Variants in GLRA3 observed in about 807,000 individuals in gnomAD.
GLRA3 encodes the protein glycine receptor subunit alpha-3.
In GLRA3, 44 loss-of-function variants were observed where a neutral mutation model predicts 60.4. The ratio of observed to expected loss-of-function variants is 0.73; its 90% CI spans 0.57 to 0.94. The LOEUF is 0.94. Among genes scored for constraint, GLRA3 ranks in the 40% least tolerant of loss-of-function variants. The pLI is 0.00. For missense variants in GLRA3, 508 were observed against 564.6 expected, an observed-to-expected ratio of 0.90 and a Z score of 1.02; for synonymous variants, 223 against 192.9, an observed-to-expected ratio of 1.16 and a Z score of -1.29.
intron 3 of GLRA3, among the ~76,000 whole-genome samples, chr4:174,744,686 G>C (rs1467714637): frequency 6.6e-6 from 1 of 152,124 alleles, no homozygotes; most frequent in East Asian, 1.9e-4. Flanking sequence ...AGAATTGTAA[G>C]AAATGACTAT....
intron 9 of GLRA3, among the ~76,000 whole-genome samples, chr4:174,647,279 G>T (rs1732858277): frequency 6.6e-6 from 1 of 151,926 alleles, no homozygotes; most frequent in Non-Finnish European, 1.5e-5. Context: ...GTGGTGGTGG[G>T]CGCCTGTGGG....
chr4:174,672,436 T>C (rs998377519), intron 7 of GLRA3, among the ~76,000 whole-genome samples: 3 of 152,188 alleles, frequency 2.0e-5, no homozygotes, highest in Non-Finnish European at 4.4e-5. Context: ...TTCCACCCTA[T>C]TGACTTTCGG....
intron 3 of GLRA3, among the ~76,000 whole-genome samples, chr4:174,746,455 C>T (rs7656007): frequency 0.16 from 24,057 of 151,992 alleles, 2,489 homozygotes; most frequent in African/African-American, 0.3. Flanking sequence ...CATCACTTCA[C>T]GGACATAGAG....
intron 1 of GLRA3, among the ~76,000 whole-genome samples, chr4:174,816,574 T>C (rs1740508205): frequency 6.6e-6 from 1 of 152,156 alleles, no homozygotes; most frequent in Non-Finnish European, 1.5e-5. Flanking sequence ...AGAATAAATA[T>C]GATTATCTTA....
intron 3 of GLRA3, among the ~76,000 whole-genome samples, chr4:174,753,468 T>C (rs1336216418): frequency 6.6e-6 from 1 of 152,198 alleles, no homozygotes; most frequent in Non-Finnish European, 1.5e-5. Context: ...CCAGTCATCT[T>C]AGAGAACACA....
intron 1 of GLRA3, 25 bp downstream of exon 1, chr4:174,828,716 G>C (rs752428196): frequency 1.9e-5 from 29 of 1,488,772 alleles, no homozygotes; most frequent in Middle Eastern, 3.4e-4. Flanking sequence ...TGAGTTCTCC[G>C]ACTGTTAAAT....
At chr4:174,678,965 A>C (rs974055754) in intron 6 of GLRA3, among the ~76,000 whole-genome samples, 1 of 152,322 alleles carries the variant, frequency 6.6e-6, no homozygotes, top group Middle Eastern at 3.4e-3. Flanking sequence ...ATTTCAGGTG[A>C]TTCTCAAGGA....
chr4:174,675,951 G>C (rs1302617866), intron 7 of GLRA3, among the ~76,000 whole-genome samples: 1 of 152,064 alleles, frequency 6.6e-6, no homozygotes, highest in Non-Finnish European at 1.5e-5. Flanking sequence ...ACTTGGTGTA[G>C]CAAGAAGATA....
At chr4:174,807,563 TA>T (rs1560810884) in intron 1 of GLRA3, among the ~76,000 whole-genome samples, 1 of 152,100 alleles carries the variant, frequency 6.6e-6, no homozygotes. Context: ...CAAAGGAGGT[TA>T]AGCTTAAATA....
intron 8 of GLRA3, 117 bp from the exon 9 acceptor site, chr4:174,656,904 G>T (rs1733227892): frequency 1.7e-6 from 1 of 592,234 alleles, no homozygotes; most frequent in East Asian, 2.8e-5. Context: ...ACAGACATAT[G>T]TAGCAATTAA....
At chr4:174,801,937 T>C (rs1739828860) in intron 1 of GLRA3, among the ~76,000 whole-genome samples, 1 of 152,022 alleles carries the variant, frequency 6.6e-6, no homozygotes, top group South Asian at 2.1e-4. Flanking sequence ...GTCTACTATT[T>C]AAGCAAAAAT....
chr4:174,648,677 G>C (rs4695779), intron 9 of GLRA3, among the ~76,000 whole-genome samples: 46,187 of 151,976 alleles, frequency 0.3, 7,967 homozygotes, highest in Admixed American at 0.47. Context: ...CCTTAGGCAT[G>C]TGGCCCTCAT....
At chr4:174,690,110 C>T (rs1356612356) in intron 5 of GLRA3, among the ~76,000 whole-genome samples, 4 of 152,236 alleles carry the variant, frequency 2.6e-5, no homozygotes, top group Admixed American at 2.0e-4. Context: ...AGACAAATAC[C>T]GCATGTTCTC....
intron 1 of GLRA3, among the ~76,000 whole-genome samples, chr4:174,808,592 T>A (rs183040348): frequency 1.2e-3 from 183 of 152,260 alleles, no homozygotes; most frequent in African/African-American, 3.7e-3. Flanking sequence ...CTGTAAAATA[T>A]CCTCAGGCAG....
At chr4:174,690,980 C>T (rs1022331819) in intron 5 of GLRA3, among the ~76,000 whole-genome samples, 2 of 152,136 alleles carry the variant, frequency 1.3e-5, no homozygotes, top group African/African-American at 2.4e-5. Context: ...TGTAAACATT[C>T]GTGTGCATGT....
intron 1 of GLRA3, among the ~76,000 whole-genome samples, chr4:174,803,379 G>A (rs1040493882): frequency 2.6e-5 from 4 of 152,054 alleles, no homozygotes; most frequent in Admixed American, 2.6e-4. Context: ...AACTAATTAA[G>A]TGTTTCAGAA....
At chr4:174,799,411 G>A (rs992130459) in intron 1 of GLRA3, among the ~76,000 whole-genome samples, 7 of 152,162 alleles carry the variant, frequency 4.6e-5, no homozygotes, top group Non-Finnish European at 8.8e-5. Flanking sequence ...AAAGAAATTC[G>A]AAGGCAATCC....
At chr4:174,793,477 G>A (rs192906594) in intron 1 of GLRA3, among the ~76,000 whole-genome samples, 189 of 151,242 alleles carry the variant, frequency 1.2e-3, no homozygotes, top group African/African-American at 4.2e-3. Flanking sequence ...TTTAGAGACA[G>A]GGTCTTGCTC....
At chr4:174,688,615 T>A (rs1184105227) in intron 5 of GLRA3, among the ~76,000 whole-genome samples, 2 of 132,658 alleles carry the variant, frequency 1.5e-5, no homozygotes, top group African/African-American at 2.6e-5. Context: ...TGTGTGTGTG[T>A]GTGACGTTAT....
Sources: allele counts gnomAD v4.1 joint callset (sites outside exome capture counted in the v4.1 genomes callset), GRCh38; gene constraint gnomAD v4.1.1; transcripts MANE v1.5; gene names NCBI Gene and HGNC (gene_info 2026-07-23, HGNC 2026-07-21).